Variants in HUS1 observed in about 807,000 individuals in gnomAD.
HUS1 encodes the protein checkpoint protein HUS1.
HUS1 carries 31 observed loss-of-function variants against 32.6 expected under a neutral mutation model. The ratio of observed to expected loss-of-function variants is 0.95; its 90% CI spans 0.72 to 1.28. The LOEUF is 1.28. Ranked by LOEUF, HUS1 falls within the 50% of genes most tolerant of loss-of-function variation. The pLI is 0.00. For synonymous variants in HUS1, 123 were observed against 116.6 expected, an observed-to-expected ratio of 1.06 and a Z score of -0.36; for missense variants, 340 against 337.7, an observed-to-expected ratio of 1.01 and a Z score of -0.05.
chr7:47,975,108 T>TG (rs1788673241), intron 5 of HUS1, among the ~76,000 whole-genome samples: 1 of 152,040 alleles, frequency 6.6e-6, no homozygotes, highest in African/African-American at 2.4e-5. Flanking sequence ...GGTCAGGAGA[T>TG]CGAGACCATC....
At chr7:47,972,943 A>C (rs549971898) in intron 5 of HUS1, among the ~76,000 whole-genome samples, 62 of 152,308 alleles carry the variant, frequency 4.1e-4, no homozygotes, top group African/African-American at 1.4e-3. Flanking sequence ...TCGAATTGTA[A>C]TCCCCAAGTG....
chr7:47,968,246 A>G (rs111723650), intron 6 of HUS1, among the ~76,000 whole-genome samples: 33 of 152,212 alleles, frequency 2.2e-4, no homozygotes, highest in African/African-American at 7.7e-4. Context: ...TAACTAATAC[A>G]AGGCCTGTCA....
intron 5 of HUS1, among the ~76,000 whole-genome samples, chr7:47,972,143 A>G (rs1295253843): frequency 6.6e-6 from 1 of 152,244 alleles, no homozygotes; most frequent in Non-Finnish European, 1.5e-5. Context: ...AATCTTTGTG[A>G]ATATGCTAGA....
At chr7:47,967,107 C>T (rs1788495233) in intron 7 of HUS1, among the ~76,000 whole-genome samples, 1 of 152,230 alleles carries the variant, frequency 6.6e-6, no homozygotes, top group Non-Finnish European at 1.5e-5. Flanking sequence ...ACCTCCCTCT[C>T]AGCTCAGCCT....
chr7:47,968,945 T>C lies in HUS1; in HGVS notation c.640+274A>G, dbSNP rs145120937. The C allele has an allele frequency of 1.5e-3, 494 of 320,256 alleles. 6 individuals carry two copies. The highest frequency in any genetic ancestry group is 9.9e-3 in the African/African-American group (455 of 46,044). The allele number at this position is 320,256 out of a possible 1,614,324, so 19.8% of individuals were successfully genotyped here. ...AGGAATTGAATAGCTGGAAGGGATC[T>C]TGGAGGTTATGTAACTTGATCCGAA... On this transcript the variant is annotated intron_variant, in intron 6 of 7. Coordinates refer to ENST00000258774, the MANE Select transcript of HUS1 (RefSeq NM_004507.4).
At chr7:47,977,798 G>A (rs1468756257) in intron 3 of HUS1, among the ~76,000 whole-genome samples, 3 of 152,176 alleles carry the variant, frequency 2.0e-5, no homozygotes, top group African/African-American at 7.2e-5. Context: ...GGAGGCTGAG[G>A]CATGAGAATC....
In HUS1 at chr7:47,969,338, C is replaced by T; in HGVS notation, c.541-20G>A. On this transcript the variant is annotated intron_variant, in intron 5 of 7. Coordinates refer to ENST00000258774, the MANE Select transcript of HUS1 (RefSeq NM_004507.4). ...AATAACCTGCAAATTGAGTATTTTA[C>T]ATAGTCTTAGAAAAGGAAGCCAAAA... 1.4e-6 allele frequency: 2 copies of T among 1,388,406 alleles called. No individual in the cohort carries two copies. The highest frequency in any genetic ancestry group is 1.2e-5 in the South Asian group (1 of 83,220). The allele number at this position is 1,388,406 out of a possible 1,614,324, so 86.0% of individuals were successfully genotyped here.
At chr7:47,971,544 G>C (rs1282562827) in intron 5 of HUS1, 3 of 456,684 alleles carry the variant, frequency 6.6e-6, no homozygotes, top group South Asian at 4.6e-5. Context: ...GCCACAGTAT[G>C]GTTTGAGGTT....
chr7:47,968,596 TC>T (rs1788529589), intron 6 of HUS1, among the ~76,000 whole-genome samples: 1 of 152,212 alleles, frequency 6.6e-6, no homozygotes, highest in Non-Finnish European at 1.5e-5. Context: ...CAGGTGTTTC[TC>T]CCCTGGTCCT....
chr7:47,965,486 A>G lies in HUS1; in HGVS notation c.761-48T>C, dbSNP rs749171453. 14 of 1,331,200 alleles carry G rather than the reference A, an allele frequency of 1.1e-5. No individual in the cohort carries two copies. In the South Asian group the frequency reaches 1.6e-4, roughly 16 times the overall value. The allele number at this position is 1,331,200 out of a possible 1,614,324, so 82.5% of individuals were successfully genotyped here. A position where few individuals can be genotyped will look rare whatever the true frequency, so the allele number is the denominator to read the frequency against. Reference sequence around the variant, plus strand: ...TTTAGAGACCTAGTGCAGCACACACATTTTGATCTCTACTTTTTCAGAACA... The same window carrying G: ...TTTAGAGACCTAGTGCAGCACACACGTTTTGATCTCTACTTTTTCAGAACA... On this transcript the variant is annotated intron_variant, in intron 7 of 7. Coordinates refer to ENST00000258774, the MANE Select transcript of HUS1 (RefSeq NM_004507.4).
Position 47,966,336 on chromosome 7 carries a change from A to G in HUS1, c.761-898T>C, listed in dbSNP as rs556294356. Among the ~76,000 whole-genome samples the G allele has an allele frequency of 3.9e-5, 6 of 152,314 alleles. No individual in the cohort carries two copies. In the East Asian group the frequency reaches 7.7e-4, roughly 20 times the overall value. Reference sequence around the variant, plus strand: ...TAAAAAAAATTTTTGCTACATCACAATTTGCTGGTCTTCCTTTCTCTGCTA... The same window carrying G: ...TAAAAAAAATTTTTGCTACATCACAGTTTGCTGGTCTTCCTTTCTCTGCTA... On this transcript the variant is annotated intron_variant, in intron 7 of 7. Coordinates refer to ENST00000258774, the MANE Select transcript of HUS1 (RefSeq NM_004507.4).
In HUS1 at chr7:47,976,819, T is replaced by C. The variant is rs2307261; in HGVS notation, c.376A>G (p.Ser126Gly). The change falls in exon 4 of 8, where the codon AGC becomes GGC. Residue 126 changes from serine to glycine, a missense_variant. Transcript: ENST00000258774. ...GGGATGTCATGGGTCACAATGCGGC[T>C]ACTGCTTGACATAGATAACTGCCAA... Reference protein sequence around the residue: ...SVELLSMSSSSRIVTHDIPIK... With the variant: ...SVELLSMSSSGRIVTHDIPIK... 37 of 1,611,018 alleles carry C rather than the reference T, an allele frequency of 2.3e-5. No individual in the cohort carries two copies. The African/African-American group carries it at 3.1e-4, about 13-fold the overall frequency.
intron 4 of HUS1, 36 bp from the exon 5 acceptor site, chr7:47,975,723 A>T: frequency 2.5e-6 from 3 of 1,220,608 alleles, no homozygotes; most frequent in Non-Finnish European, 3.6e-6. Context: ...CAAGTATTAA[A>T]AATATTAATA....
Position 47,978,421 on chromosome 7 carries a change from T to C in HUS1, c.353A>G (p.Glu118Gly), listed in dbSNP as rs759924524. The C allele has an allele frequency of 6.2e-7, 1 of 1,613,726 alleles. No homozygotes were observed. Among genetic ancestry groups the C allele is most frequent in the East Asian group, 2.2e-5 (1 of 44,884 alleles). Residue 118 changes from glutamate to glycine, a missense_variant, in exon 3 of 8, where the codon GAG (glutamate) becomes GGG (glycine). Glu to Gly is a moderately conservative substitution (Grantham distance 98). Transcript: ENST00000258774. ...AACCCTGACTCTCCTACTCACCAGC[T>C]CCACGGAGACCGTGAGGCAGGGAAA... ...KHFPCLTVSV[E>G]LLSMSSSSRI... is the part of the protein sequence containing the mutation.
In HUS1 at chr7:47,978,410, T is replaced by TA; in HGVS notation, c.357+6dup. On this transcript the variant is annotated splice_region_variant and intron_variant, in intron 3 of 7. Transcript: ENST00000258774. ...TCTGTGTTAGAAACCCTGACTCTCC[T>TA]ACTCACCAGCTCCACGGAGACCGTG... is the stretch of plus-strand genomic sequence containing the variant. 2 of 1,611,650 alleles carry TA rather than the reference T, an allele frequency of 1.2e-6. No individual in the cohort carries two copies. The highest frequency in any genetic ancestry group is 1.7e-6 in the Non-Finnish European group (2 of 1,177,776).
chr7:47,975,641 T>C lies in HUS1; in HGVS notation c.512A>G (p.Glu171Gly). Reference sequence around the variant, plus strand: ...GTGATTGCTGATGTTTTTCATTTTTTCCACAACACTCTTCATAGTCTTCAA... The same window carrying C: ...GTGATTGCTGATGTTTTTCATTTTTCCCACAACACTCTTCATAGTCTTCAA... Reference protein sequence around the residue: ...PVLKTMKSVVEKMKNISNHLV... With the variant: ...PVLKTMKSVVGKMKNISNHLV... The change falls in exon 5 of 8, where the codon GAA becomes GGA. Residue 171 changes from glutamate (E) to glycine (G), a missense_variant. Glu to Gly is a moderately conservative substitution (Grantham distance 98). Transcript: ENST00000258774. 6.2e-7 allele frequency: 1 copy of C among 1,606,954 alleles called. No individual in the cohort carries two copies. The highest frequency in any genetic ancestry group is 1.7e-4 in the Middle Eastern group (1 of 6,044).
chr7:47,967,265 G>A (rs1234435563), intron 7 of HUS1, among the ~76,000 whole-genome samples: 1 of 152,196 alleles, frequency 6.6e-6, no homozygotes, highest in East Asian at 1.9e-4. Context: ...GATGAAGAGT[G>A]CTGGAGCAGG....
chr7:47,974,189 C>T (rs1788652037), intron 5 of HUS1, among the ~76,000 whole-genome samples: 1 of 152,162 alleles, frequency 6.6e-6, no homozygotes, highest in Admixed American at 6.5e-5. Flanking sequence ...AATTTTGTTC[C>T]AGATCCATGC....
chr7:47,978,425 C>A lies in HUS1; in HGVS notation c.349G>T (p.Val117Leu). The A allele has an allele frequency of 6.2e-7, 1 of 1,613,888 alleles. No individual in the cohort carries two copies. The highest frequency in any genetic ancestry group is 1.3e-5 in the African/African-American group (1 of 75,064). The stretch of plus-strand genomic sequence containing the variant: ...CTGACTCTCCTACTCACCAGCTCCA[C>A]GGAGACCGTGAGGCAGGGAAAGTGT... ...NKHFPCLTVS[V>L]ELLSMSSSSR... Residue 117 changes from valine (V) to leucine (L), a missense_variant, in exon 3 of 8, where the codon GTG (valine) becomes TTG (leucine). Coordinates refer to ENST00000258774, the MANE Select transcript of HUS1 (RefSeq NM_004507.4).
Sources: allele counts gnomAD v4.1 joint callset (sites outside exome capture counted in the v4.1 genomes callset), GRCh38; gene constraint gnomAD v4.1.1; transcripts MANE v1.5; gene names NCBI Gene and HGNC (gene_info 2026-07-23, HGNC 2026-07-21).